The following FAT2 variants were observed in gnomAD, a reference collection of about 807,000 sequenced individuals.
FAT2 encodes the protein FAT atypical cadherin 2, also known as protocadherin Fat 2.
FAT2 carries 150 observed loss-of-function variants against 295.3 expected under a neutral mutation model. That is an observed-to-expected ratio of 0.51 (90% confidence interval 0.44 to 0.58). The LOEUF is 0.58. FAT2 is among the 20% of genes least tolerant of loss of function. The pLI is 0.00. For synonymous variants in FAT2, 2,026 were observed against 2,150.3 expected (o/e 0.94, Z 1.60); for missense variants, 4,868 against 5,442.7 (o/e 0.89, Z 3.32).
chr5:151,577,116 C>A (rs1758777901), intron 1 of FAT2, among the ~76,000 whole-genome samples: 1 of 152,186 alleles, frequency 6.6e-6, no homozygotes, highest in African/African-American at 2.4e-5. Context: ...TATACCAATG[C>A]CGTCATAGAA....
chr5:151,537,008 T>C (rs190443448), intron 12 of FAT2, among the ~76,000 whole-genome samples: 1 of 152,202 alleles, frequency 6.6e-6, no homozygotes, highest in African/African-American at 2.4e-5. Flanking sequence ...CCCCACTCTC[T>C]TACCCCTGGC....
intron 19 of FAT2, among the ~76,000 whole-genome samples, chr5:151,520,436 A>T (rs574048121): frequency 6.6e-6 from 1 of 152,218 alleles, no homozygotes; most frequent in African/African-American, 2.4e-5. Flanking sequence ...TTCCAACTGC[A>T]GATGGGGCTA....
At chr5:151,532,281 A>AG (rs1754718457) in intron 13 of FAT2, among the ~76,000 whole-genome samples, 1 of 152,256 alleles carries the variant, frequency 6.6e-6, no homozygotes, top group Non-Finnish European at 1.5e-5. Context: ...AACCACCCAT[A>AG]GAGAGTTCCT....
Position 151,505,979 on chromosome 5 carries a change from G to T in FAT2, c.12636C>A (p.Thr4212=), listed in dbSNP as rs763849585. 4.6e-5 allele frequency: 72 copies of T among 1,573,712 alleles called. No homozygotes were observed. Among genetic ancestry groups the T allele is most frequent in the South Asian group, 1.1e-4 (9 of 84,178 alleles). The part of the protein sequence containing the change: ...PLPPSAHRHS[T]PVVMPEPNGL... ...CATTAGGCTCTGGCATCACGACTGGGGTTGAGTGGCGGTGAGCCGAGGGCG... is the reference window on the plus strand; with the variant it reads ...CATTAGGCTCTGGCATCACGACTGGTGTTGAGTGGCGGTGAGCCGAGGGCG... Residue 4212 remains threonine (T), a synonymous_variant, in exon 24 of 24, where the codon ACC becomes ACA. Transcript: ENST00000261800.
upstream of FAT2, among the ~76,000 whole-genome samples, chr5:151,593,315 A>C (rs1011077805): frequency 7.1e-6 from 1 of 140,232 alleles, no homozygotes; most frequent in African/African-American, 3.3e-5. Flanking sequence ...CTCGGGGGCC[A>C]AGGCTGGGCT....
rs144296803 is a variant in FAT2 at position 151,566,638 on chromosome 5, A to G, written c.2294T>C (p.Ile765Thr). The part of the protein sequence containing the change: ...ADGNEEGCFD[I>T]ELETGLLTVA... ...AGTGAGCAGCCCTGTCTCCAGCTCT[A>G]TGTCAAAGCAGCCCTCCTCATTGCC... Residue 765 changes from isoleucine to threonine, a missense_variant, in exon 2 of 24, where the codon ATA (isoleucine) becomes ACA (threonine). Transcript: ENST00000261800. 61 of 1,614,174 alleles carry G rather than the reference A, an allele frequency of 3.8e-5. No homozygotes were observed. The East Asian group carries it at 3.8e-4, about 10-fold the overall frequency.
chr5:151,576,318 C>G (rs1393993478), intron 1 of FAT2, among the ~76,000 whole-genome samples: 1 of 152,152 alleles, frequency 6.6e-6, no homozygotes. Context: ...TCTGAGGGAG[C>G]AAACTGGGAT....
At chr5:151,572,159 T>G (rs747302142) in intron 1 of FAT2, among the ~76,000 whole-genome samples, 1 of 152,202 alleles carries the variant, frequency 6.6e-6, no homozygotes, top group Non-Finnish European at 1.5e-5. Flanking sequence ...ATTTTCTTGT[T>G]TATTTGTTTA....
At chr5:151,534,341 G>T in intron 13 of FAT2, 68 bp downstream of exon 13, 1 of 1,303,310 alleles carries the variant, frequency 7.7e-7, no homozygotes, top group Non-Finnish European at 1.1e-6. Flanking sequence ...GACACAAAGG[G>T]GACCAAACCC....
Position 151,507,543 on chromosome 5 carries a change from TC to T in FAT2, c.12127del (p.Asp4043ThrfsTer8). 2 of 1,613,558 alleles carry T rather than the reference TC, an allele frequency of 1.2e-6. No individual in the cohort carries two copies. Among genetic ancestry groups the T allele is most frequent in the Non-Finnish European group, 1.7e-6 (2 of 1,179,908 alleles). On this transcript the variant is annotated frameshift_variant, in exon 23 of 24. Coordinates refer to ENST00000261800, the MANE Select transcript of FAT2 (RefSeq NM_001447.3). LOFTEE classifies it high-confidence loss of function. ...CLVTPEIQRG[D>X]WGQQELLIIT... ...GATCAGTAACTCCTGCTGCCCCCAGTCCCCCCTTTGGATCTCGGGAGTGACT... is the reference window on the plus strand; with the variant it reads ...GATCAGTAACTCCTGCTGCCCCCAGTCCCCCTTTGGATCTCGGGAGTGACT...
intron 4 of FAT2, among the ~76,000 whole-genome samples, chr5:151,555,050 T>C (rs1433046162): frequency 6.6e-6 from 1 of 152,194 alleles, no homozygotes; most frequent in African/African-American, 2.4e-5. Flanking sequence ...TGAGAAAATG[T>C]TGATGAGGGA....
In FAT2 at chr5:151,529,320, C is replaced by T. The variant is rs771350129; in HGVS notation, c.9884G>A (p.Arg3295Gln). 1.6e-5 allele frequency: 26 copies of T among 1,613,848 alleles called. No individual in the cohort carries two copies. The Admixed American group carries it at 1.7e-4, about 10-fold the overall frequency. ...PKYFLSIECS[R>Q]KSSSSLSDVT... ...GTCACTGAGGGAAGAGGAGCTCTTC[C>T]GGCTGCACTCAATGGACAGGAAGTA... The change falls in exon 15 of 24, where the codon CGG (arginine) becomes CAG (glutamine). Residue 3295 changes from arginine (R) to glutamine (Q), a missense_variant. Arg to Gln is a conservative substitution (Grantham distance 43). Transcript: ENST00000261800.
chr5:151,585,290 A>T (rs1759126617), intron 1 of FAT2, among the ~76,000 whole-genome samples: 1 of 152,208 alleles, frequency 6.6e-6, no homozygotes, highest in Non-Finnish European at 1.5e-5. Context: ...TGTGCCAGTT[A>T]CTGGTTAGCC....
chr5:151,515,637 A>G (rs1469684999), intron 20 of FAT2, among the ~76,000 whole-genome samples: 1 of 151,978 alleles, frequency 6.6e-6, no homozygotes, highest in East Asian at 1.9e-4. Flanking sequence ...CTTCTCTCCC[A>G]CCCTTCATTC....
intron 1 of FAT2, among the ~76,000 whole-genome samples, chr5:151,581,940 C>A (rs1342726943): frequency 6.6e-6 from 1 of 152,234 alleles, no homozygotes; most frequent in Non-Finnish European, 1.5e-5. Flanking sequence ...TTTCCTCTAG[C>A]CTGGCCCAGC....
chr5:151,518,658 G>T (rs1289114054), intron 19 of FAT2, among the ~76,000 whole-genome samples: 1 of 152,192 alleles, frequency 6.6e-6, no homozygotes, highest in African/African-American at 2.4e-5. Flanking sequence ...AGACTGTATG[G>T]CCAAAACTTT....
chr5:151,525,116 G>GGACT (rs773830235), intron 18 of FAT2, among the ~76,000 whole-genome samples: 2 of 152,158 alleles, frequency 1.3e-5, no homozygotes, highest in African/African-American at 4.8e-5. Flanking sequence ...GTCGAGAGAT[G>GGACT]GACTGACTGA....
rs372212910 is a variant in FAT2 at position 151,505,825 on chromosome 5, C to T, written c.12790G>A (p.Val4264Ile). ...GTGTACTCATTGAGACAGGGGGCAA[C>T]CAGGCGCTCCCGGGGACTAGGGGGC... ...SRPPSPRERL[V>I]APCLNEYTAI... The change falls in exon 24 of 24, where the codon GTT becomes ATT. Residue 4264 changes from valine to isoleucine, a missense_variant. This residue lies in a region of FAT2 where 492 missense variants were observed against 482.6 expected (regional missense o/e 1.02). Transcript: ENST00000261800. The T allele has an allele frequency of 2.1e-5, 34 of 1,613,228 alleles. No individual in the cohort carries two copies. Among genetic ancestry groups the T allele is most frequent in the Admixed American group, 3.3e-5 (2 of 59,812 alleles).
rs149915994 is a variant in FAT2, at chr5:151,543,580, A to G, written c.7547T>C (p.Ile2516Thr). The G allele has an allele frequency of 4.3e-5, 70 of 1,614,220 alleles. No individual in the cohort carries two copies. The African/African-American group carries it at 8.3e-4, about 19-fold the overall frequency. ...TAGTTTATTGATGATAGTATAATCT[A>G]TAGTGCCATAGGGACCACTATCTTT... Reference protein sequence around the residue: ...IDKDSGPYGTIDYTIINKLAS... With the variant: ...IDKDSGPYGTTDYTIINKLAS... Residue 2516 changes from isoleucine (I) to threonine (T), a missense_variant, in exon 10 of 24, where the codon ATA (isoleucine) becomes ACA (threonine). By Grantham distance (89) the Ile-to-Thr change is moderately conservative (BLOSUM62 -1). Coordinates refer to ENST00000261800, the MANE Select transcript of FAT2 (RefSeq NM_001447.3).
Sources: gnomAD v4.1 joint callset for allele counts (sites outside exome capture counted in the v4.1 genomes callset) on GRCh38, gnomAD v4.1.1 for gene constraint, gnomAD v4.1.1 regional missense constraint, MANE v1.5 for transcripts, NCBI Gene and HGNC (gene_info 2026-07-23, HGNC 2026-07-21) for gene names.